MEIS2: variants seen among roughly 807,000 people sequenced by gnomAD.
The protein encoded by MEIS2 is homeobox protein Meis2.
Under a neutral mutation model 58.6 loss-of-function variants are expected in MEIS2, and 9 were observed. The observed-to-expected ratio is 0.15, with a 90% CI of 0.09 to 0.27. MEIS2 has a LOEUF of 0.27. MEIS2 is among the 10% of genes least tolerant of loss of function. The pLI is 1.00. For missense variants in MEIS2, 427 were observed against 635.0 expected (o/e 0.67, Z 3.52); for synonymous variants, 221 against 228.4 (o/e 0.97, Z 0.29).
At position 37,095,606 on chromosome 15, in the gene MEIS2, G is replaced by C; in HGVS notation, c.396C>G (p.Ala132=). 1 of 1,614,164 alleles carries C rather than the reference G, an allele frequency of 6.2e-7. No individual in the cohort carries two copies. The highest frequency in any genetic ancestry group is 8.5e-7 in the Non-Finnish European group (1 of 1,180,038). ...DIAVFAKQVR[A]EKPLFSSNPE... The stretch of plus-strand genomic sequence containing the variant: ...GATTTGAGGAAAAAAGTGGCTTTTC[G>C]GCGCGAACCTGTAAGAAACAGAGAG... Residue 132 remains alanine (A), a synonymous_variant, in exon 4 of 12, where the codon GCC becomes GCG. Transcript: ENST00000561208.
chr15:36,948,620 C>T (rs545854954), intron 9 of MEIS2, among the ~76,000 whole-genome samples: 1 of 152,000 alleles, frequency 6.6e-6, no homozygotes, highest in South Asian at 2.1e-4. Context: ...GCGTCATGGA[C>T]CAATGTGTAT....
rs561538336 is a variant in MEIS2 at position 36,990,240 on chromosome 15, C to T, written c.901-39840G>A. Among the ~76,000 whole-genome samples the T allele has an allele frequency of 8.5e-5, 13 of 152,106 alleles. No homozygotes were observed. In the East Asian group the frequency reaches 1.2e-3, roughly 14 times the overall value. ...GATTACAGGCATGAGCCACCGCGCC[C>T]GGCCTGGAAGCAGTTATTTTTGTAC... On this transcript the variant is annotated intron_variant, in intron 8 of 11. Coordinates refer to ENST00000561208, the MANE Select transcript of MEIS2 (RefSeq NM_170675.5).
intron 8 of MEIS2, among the ~76,000 whole-genome samples, chr15:36,955,521 C>A (rs8026755): frequency 0.23 from 35,609 of 152,118 alleles, 4,735 homozygotes; most frequent in Non-Finnish European, 0.32. Flanking sequence ...GCTTGGGACG[C>A]AGTCTCTGTT....
chr15:36,894,744 A>G (rs887623348), intron 11 of MEIS2: 2 of 1,613,760 alleles, frequency 1.2e-6, no homozygotes, highest in South Asian at 1.1e-5. Context: ...ATTGCTTTAC[A>G]TGATGAAGGT....
At chr15:36,910,469 G>C (rs903098488) in intron 9 of MEIS2, among the ~76,000 whole-genome samples, 6 of 152,166 alleles carry the variant, frequency 3.9e-5, no homozygotes, top group Admixed American at 3.9e-4. Context: ...ATTAATTCCT[G>C]ACTCTAGTTG....
chr15:36,904,110 C>T (rs748304368), intron 9 of MEIS2: 23 of 152,176 alleles, frequency 1.5e-4, no homozygotes, highest in Non-Finnish European at 2.6e-4. Context: ...TGGCAAGGAG[C>T]AGCTGCTGAT....
At chr15:37,079,741 G>C (rs1261992291) in intron 7 of MEIS2, among the ~76,000 whole-genome samples, 2 of 152,232 alleles carry the variant, frequency 1.3e-5, no homozygotes, top group South Asian at 4.1e-4. Flanking sequence ...TCATCGCCTG[G>C]AAAATAGATG....
intron 8 of MEIS2, among the ~76,000 whole-genome samples, chr15:37,018,416 GT>G (rs1256607883): frequency 1.3e-5 from 2 of 152,092 alleles, no homozygotes; most frequent in Non-Finnish European, 2.9e-5. Context: ...TCTCATCAAT[GT>G]TTTAGATTTA....
chr15:37,036,300 G>T (rs2062149499), intron 8 of MEIS2: 1 of 151,454 alleles, frequency 6.6e-6, no homozygotes, highest in Non-Finnish European at 1.5e-5. Flanking sequence ...TTCTGAATTT[G>T]TCATATAAAT....
chr15:36,918,586 G>A (rs1374150650), intron 9 of MEIS2, among the ~76,000 whole-genome samples: 3 of 152,180 alleles, frequency 2.0e-5, no homozygotes, highest in South Asian at 2.1e-4. Flanking sequence ...GGAGTTTAGC[G>A]GTAAAGCAAT....
At position 36,890,405 on chromosome 15, in the gene MEIS2, TTTAAG is replaced by T. The variant is rs1297208091; in HGVS notation, c.*1763_*1767del. The T allele has an allele frequency of 2.0e-5, 3 of 152,104 alleles. No individual in the cohort carries two copies. Among genetic ancestry groups the T allele is most frequent in the East Asian group, 1.9e-4 (1 of 5,200 alleles). The allele number at this position is 152,104 out of a possible 1,614,324, so 9.4% of individuals were successfully genotyped here. A position where few individuals can be genotyped will look rare whatever the true frequency, so the allele number is the denominator to read the frequency against. ...GTTTTGTTTTGTTTTCAGAAAAAAG[TTTAAG>T]TTTAGTTATCAAATCATCACACTAG... is the stretch of plus-strand genomic sequence containing the variant. On this transcript the variant is annotated 3_prime_UTR_variant, in exon 12 of 12. Transcript: ENST00000561208.
At chr15:36,912,370 T>C (rs1054076547) in intron 9 of MEIS2, among the ~76,000 whole-genome samples, 1 of 152,238 alleles carries the variant, frequency 6.6e-6, no homozygotes, top group South Asian at 2.1e-4. Flanking sequence ...ATTGCTCTTA[T>C]GGAATGCTGC....
chr15:36,899,983 A>G (rs571307876), intron 9 of MEIS2, among the ~76,000 whole-genome samples: 10 of 152,280 alleles, frequency 6.6e-5, no homozygotes, highest in African/African-American at 2.4e-4. Context: ...GCTGCACCCA[A>G]CTTTAATGAA....
chr15:36,932,994 G>T (rs992920904), intron 9 of MEIS2, among the ~76,000 whole-genome samples: 1 of 152,092 alleles, frequency 6.6e-6, no homozygotes, highest in Non-Finnish European at 1.5e-5. Context: ...ATCTCTCCAG[G>T]GTAGCCCATT....
At chr15:36,911,116 A>T (rs1316305896) in intron 9 of MEIS2, among the ~76,000 whole-genome samples, 3 of 151,592 alleles carry the variant, frequency 2.0e-5, no homozygotes, top group Non-Finnish European at 4.4e-5. Flanking sequence ...TATTAGGCTT[A>T]AATGTTTTCT....
chr15:37,082,330 T>C (rs2141912487), intron 7 of MEIS2, among the ~76,000 whole-genome samples: 1 of 152,340 alleles, frequency 6.6e-6, no homozygotes, highest in East Asian at 1.9e-4. Context: ...CTTCTCCTTT[T>C]CCCCTCTTTT....
At chr15:36,972,656 T>C (rs531887601) in intron 8 of MEIS2, among the ~76,000 whole-genome samples, 2 of 152,196 alleles carry the variant, frequency 1.3e-5, no homozygotes, top group Non-Finnish European at 2.9e-5. Flanking sequence ...TCTGATATGA[T>C]TCAAAGGAAC....
At chr15:36,962,687 T>C (rs1451349497) in intron 8 of MEIS2, among the ~76,000 whole-genome samples, 3 of 152,220 alleles carry the variant, frequency 2.0e-5, no homozygotes, top group African/African-American at 7.2e-5. Flanking sequence ...TGGCTACTCA[T>C]GTGTTACTGA....
At chr15:37,093,298 G>A (rs781484073) in intron 6 of MEIS2, among the ~76,000 whole-genome samples, 2 of 152,082 alleles carry the variant, frequency 1.3e-5, no homozygotes, top group African/African-American at 2.4e-5. Flanking sequence ...CAGAATTTGC[G>A]AACACCCAAG....
Sources: allele counts gnomAD v4.1 joint callset (sites outside exome capture counted in the v4.1 genomes callset), GRCh38; gene constraint gnomAD v4.1.1; transcripts MANE v1.5; gene names NCBI Gene and HGNC (gene_info 2026-07-23, HGNC 2026-07-21).